PXMP4: variants seen among roughly 807,000 people sequenced by gnomAD.
PXMP4 encodes 24 kDa peroxisomal intrinsic membrane protein.
Under a neutral mutation model 21.6 loss-of-function variants are expected in PXMP4, and 16 were observed. That is an observed-to-expected ratio of 0.74 (90% CI 0.50 to 1.13). The LOEUF (loss-of-function observed/expected upper bound fraction) is 1.13. PXMP4 is among the 50% of genes most tolerant of loss of function. The pLI is 0.00. For synonymous variants in PXMP4, 127 were observed against 123.8 expected (o/e 1.03, Z -0.17); for missense variants, 240 against 277.7 (o/e 0.86, Z 0.96).
chr20:33,717,692 C>T (rs1274912624), intron 1 of PXMP4, among the ~76,000 whole-genome samples: 4 of 146,746 alleles, frequency 2.7e-5, no homozygotes, highest in African/African-American at 1.0e-4. Context: ...ATAATTGTTA[C>T]ATAATTGCCT....
At position 33,703,361 on chromosome 20, in the gene PXMP4, C is replaced by T. The variant is rs1320361520; in HGVS notation, c.*4345G>A. On this transcript the variant is annotated 3_prime_UTR_variant, in exon 4 of 4. Transcript: ENST00000409299. ...CCACTCGATGAGGTGTGTGCTACGA[C>T]AACGCCTACTTTATCAATGAGGAAA... The T allele has an allele frequency of 2.0e-5, 3 of 152,266 alleles. No individual in the cohort carries two copies. Among genetic ancestry groups the T allele is most frequent in the Non-Finnish European group, 4.4e-5 (3 of 68,060 alleles). 9.4% of individuals were successfully genotyped at this position (152,266 alleles called of 1,614,324 possible).
Position 33,707,627 on chromosome 20 carries a change from A to G in PXMP4, c.*79T>C, listed in dbSNP as rs2122578470. 2.0e-6 allele frequency: 3 copies of G among 1,533,116 alleles called. No individual in the cohort carries two copies. The highest frequency in any genetic ancestry group is 2.7e-5 in the African/African-American group (2 of 72,866). 95.0% of individuals were successfully genotyped at this position (1,533,116 alleles called of 1,614,324 possible). Reference sequence around the variant, plus strand: ...CACCAGTTGGAGTCTGAGGCCTATGATCTTGAGAAGGCAGTATCCTTTGGG... The same window carrying G: ...CACCAGTTGGAGTCTGAGGCCTATGGTCTTGAGAAGGCAGTATCCTTTGGG... On this transcript the variant is annotated 3_prime_UTR_variant, in exon 4 of 4. Transcript: ENST00000409299.
chr20:33,711,632 G>A (rs1471628183), intron 2 of PXMP4, among the ~76,000 whole-genome samples: 1 of 152,040 alleles, frequency 6.6e-6, no homozygotes, highest in Non-Finnish European at 1.5e-5. Context: ...ACTTTGGGAG[G>A]CTGAGCTGAG....
At chr20:33,714,386 G>A (rs752510729) in intron 2 of PXMP4, among the ~76,000 whole-genome samples, 1 of 152,120 alleles carries the variant, frequency 6.6e-6, no homozygotes, top group Non-Finnish European at 1.5e-5. Flanking sequence ...AGGTGTGGTG[G>A]TGGGTGCCTA....
chr20:33,712,075 G>A (rs893664244), intron 2 of PXMP4, among the ~76,000 whole-genome samples: 1 of 152,016 alleles, frequency 6.6e-6, no homozygotes, highest in Non-Finnish European at 1.5e-5. Flanking sequence ...GCAAACTCAG[G>A]TGCTCTTAAG....
rs776800091 is a variant in PXMP4, at chr20:33,705,774, G to A, written c.*1932C>T. 2 of 152,088 alleles carry A rather than the reference G, an allele frequency of 1.3e-5. No individual in the cohort carries two copies. 9.4% of individuals were successfully genotyped at this position (152,088 alleles called of 1,614,324 possible). ...AATGAGCTAACATTTGCATAGCATGGCTTAGGTTTCTAAATTTGAAACAAG... is the reference window on the plus strand; with the variant it reads ...AATGAGCTAACATTTGCATAGCATGACTTAGGTTTCTAAATTTGAAACAAG... On this transcript the variant is annotated 3_prime_UTR_variant, in exon 4 of 4. Transcript: ENST00000409299.
intron 1 of PXMP4, among the ~76,000 whole-genome samples, chr20:33,717,663 T>TAAAAAAAAAAAAAAAAAAA (rs2018398738): frequency 7.6e-6 from 1 of 132,248 alleles, no homozygotes; most frequent in African/African-American, 3.2e-5. Context: ...AAAAAATTAT[T>TAAAAAAAAAAAAAAAAAAA]AAATATTTTA....
chr20:33,714,699 T>C lies in PXMP4; in HGVS notation c.151A>G (p.Met51Val). 1.9e-6 allele frequency: 3 copies of C among 1,614,120 alleles called. No homozygotes were observed. The highest frequency in any genetic ancestry group is 1.3e-5 in the African/African-American group (1 of 75,024). ...AKIRAPHALV[M>V]TFLFRNGSLQ... Reference sequence around the variant, plus strand: ...CTGCCATTCCGGAAGAGAAAGGTCATGACCAGCGCGTGAGGGGCCCGGATT... The same window carrying C: ...CTGCCATTCCGGAAGAGAAAGGTCACGACCAGCGCGTGAGGGGCCCGGATT... The change falls in exon 2 of 4, where the codon ATG (methionine) becomes GTG (valine). Residue 51 changes from methionine to valine, a missense_variant. Met to Val is a conservative substitution (Grantham distance 21). Transcript: ENST00000409299.
chr20:33,714,527 A>G (rs1287811870), intron 2 of PXMP4, 147 bp downstream of exon 2: 1 of 875,872 alleles, frequency 1.1e-6, no homozygotes, highest in African/African-American at 1.7e-5. Flanking sequence ...AACAACAACA[A>G]CAACAACAAC....
rs1006194868 is a variant in PXMP4 at position 33,705,000 on chromosome 20, T to A, written c.*2706A>T. 6.8e-6 allele frequency: 1 copy of A among 146,574 alleles called. No homozygotes were observed. Among genetic ancestry groups the A allele is most frequent in the Non-Finnish European group, 1.5e-5 (1 of 66,522 alleles). The allele number at this position is 146,574 out of a possible 1,614,324, so 9.1% of individuals were successfully genotyped here. A position where few individuals can be genotyped will look rare whatever the true frequency, so the allele number is the denominator to read the frequency against. ...TTTGTCCAGGATTGTGTTTTTTTTT[T>A]TTTTTTTTTTTTTGAGACAGAGTCT... On this transcript the variant is annotated 3_prime_UTR_variant, in exon 4 of 4. Transcript: ENST00000409299.
chr20:33,717,846 CA>C (rs1359435565), intron 1 of PXMP4, among the ~76,000 whole-genome samples: 1 of 151,848 alleles, frequency 6.6e-6, no homozygotes, highest in Admixed American at 6.6e-5. Context: ...GTATTTGGGC[CA>C]AAGCCCTGCC....
At chr20:33,711,015 A>G (rs1014634887) in intron 2 of PXMP4, among the ~76,000 whole-genome samples, 1 of 152,116 alleles carries the variant, frequency 6.6e-6, no homozygotes, top group African/African-American at 2.4e-5. Context: ...CTTCCTAGCT[A>G]TGGTCACCAA....
intron 1 of PXMP4, among the ~76,000 whole-genome samples, chr20:33,718,888 C>G (rs914436792): frequency 6.6e-6 from 1 of 152,190 alleles, no homozygotes; most frequent in African/African-American, 2.4e-5. Flanking sequence ...GTTATGGCCT[C>G]ATGAAACTTT....
Position 33,707,906 on chromosome 20 carries a change from A to G in PXMP4, c.439T>C (p.Tyr147His). Residue 147 changes from tyrosine to histidine, a missense_variant, in exon 4 of 4, where the codon TAC (tyrosine) becomes CAC (histidine). By Grantham distance (83) the Tyr-to-His change is moderately conservative (BLOSUM62 2). Coordinates refer to ENST00000409299, the MANE Select transcript of PXMP4 (RefSeq NM_007238.5). ...ALSRLAVEKG[Y>H]IPEPRWDPFP... ...GGGTCCCACCTGGGTTCAGGGATGT[A>G]GCCCTTCTCTACAGCCAGGCGGCTC... 6.2e-7 allele frequency: 1 copy of G among 1,614,146 alleles called. No individual in the cohort carries two copies. Among genetic ancestry groups the G allele is most frequent in the Non-Finnish European group, 8.5e-7 (1 of 1,180,040 alleles).
chr20:33,711,135 C>G (rs1198200058), intron 2 of PXMP4, among the ~76,000 whole-genome samples: 3 of 152,162 alleles, frequency 2.0e-5, no homozygotes, highest in Non-Finnish European at 4.4e-5. Flanking sequence ...GTAGTAGGTG[C>G]TTAATAAATG....
chr20:33,713,878 G>C (rs1043892770), intron 2 of PXMP4, among the ~76,000 whole-genome samples: 4 of 152,214 alleles, frequency 2.6e-5, no homozygotes, highest in Non-Finnish European at 4.4e-5. Flanking sequence ...TGCCTTGAGG[G>C]AAGAGCTACG....
rs1332681828 is a variant in PXMP4 at position 33,707,975 on chromosome 20, A to G, written c.376-6T>C. Reference sequence around the variant, plus strand: ...GACAACAGGTACATGTTGATCTGCAAAGAGGGAATGATGGGAATTACTGGT... The same window carrying G: ...GACAACAGGTACATGTTGATCTGCAGAGAGGGAATGATGGGAATTACTGGT... On this transcript the variant is annotated splice_region_variant and splice_polypyrimidine_tract_variant and intron_variant, in intron 3 of 3. Coordinates refer to ENST00000409299, the MANE Select transcript of PXMP4 (RefSeq NM_007238.5). 9.3e-6 allele frequency: 15 copies of G among 1,608,842 alleles called. No homozygotes were observed. The highest frequency in any genetic ancestry group is 1.3e-5 in the African/African-American group (1 of 74,860).
rs1292553510 is a variant in PXMP4, at chr20:33,710,604, A to G, written c.326T>C (p.Phe109Ser). ...TYPAHAFLAA[F>S]LGGILVFGEN... is the part of the protein sequence containing the mutation. The stretch of plus-strand genomic sequence containing the variant: ...TCCAAACACCAGGATACCCCCGAGG[A>G]AGGCCGCCAGGAATGCGTGTGCTGG... Residue 109 changes from phenylalanine to serine, a missense_variant, in exon 3 of 4, where the codon TTC (phenylalanine) becomes TCC (serine). Physicochemically the swap from Phe to Ser is radical, Grantham distance 155. Coordinates refer to ENST00000409299, the MANE Select transcript of PXMP4 (RefSeq NM_007238.5). 4.3e-6 allele frequency: 7 copies of G among 1,613,412 alleles called. No homozygotes were observed. In the South Asian group the frequency reaches 7.7e-5, roughly 18 times the overall value.
intron 1 of PXMP4, among the ~76,000 whole-genome samples, 182 bp downstream of exon 1, chr20:33,719,913 A>C (rs890967121): frequency 6.6e-6 from 1 of 152,214 alleles, no homozygotes; most frequent in Non-Finnish European, 1.5e-5. Flanking sequence ...CCCAGTTCAG[A>C]GCTGGGAAGG....
Sources: gnomAD v4.1 joint callset for allele counts (sites outside exome capture counted in the v4.1 genomes callset) on GRCh38, gnomAD v4.1.1 for gene constraint, MANE v1.5 for transcripts, NCBI Gene and HGNC (gene_info 2026-07-23, HGNC 2026-07-21) for gene names.